EYA1: variants seen among roughly 807,000 people sequenced by gnomAD.
The protein encoded by EYA1 is EYA transcriptional coactivator and phosphatase 1, also known as protein phosphatase EYA1.
In EYA1, 16 loss-of-function variants were observed where a neutral mutation model predicts 82.0. The observed-to-expected ratio is 0.20, with a 90% CI of 0.13 to 0.30. The LOEUF is 0.30. EYA1 is among the 10% of genes least tolerant of loss of function. EYA1 has a pLI of 1.00. For missense variants in EYA1, 633 were observed against 730.7 expected (o/e 0.87, Z 1.54); for synonymous variants, 261 against 264.4 (o/e 0.99, Z 0.12).
At chr8:71,287,118 T>A (rs1361055429) in intron 9 of EYA1, among the ~76,000 whole-genome samples, 2 of 151,956 alleles carry the variant, frequency 1.3e-5, no homozygotes, top group African/African-American at 4.8e-5. Context: ...TTTTTTAGAT[T>A]TTGGCATAAA....
intron 1 of EYA1, chr8:71,547,635 C>A (rs1040185812): frequency 6.6e-6 from 1 of 151,828 alleles, no homozygotes; most frequent in South Asian, 2.1e-4. Flanking sequence ...CCTCCTGCCC[C>A]GGGGTGGGGC....
chr8:71,308,716 T>TAA (rs1821001125), intron 7 of EYA1, among the ~76,000 whole-genome samples: 1 of 144,302 alleles, frequency 6.9e-6, no homozygotes. Context: ...TTTTTTTTTT[T>TAA]AAGAAAAAAA....
At chr8:71,357,101 T>C (rs779048407) in intron 1 of EYA1, among the ~76,000 whole-genome samples, 14 of 152,172 alleles carry the variant, frequency 9.2e-5, no homozygotes, top group Non-Finnish European at 1.2e-4. Context: ...ACTAACTATA[T>C]AAGGCAAAGG....
At chr8:71,380,617 A>G (rs1339807334) in intron 2 of EYA1, among the ~76,000 whole-genome samples, 1 of 152,092 alleles carries the variant, frequency 6.6e-6, no homozygotes, top group African/African-American at 2.4e-5. Context: ...TCCAGCCCCT[A>G]CTGTCTTTCA....
chr8:71,452,250 G>A (rs1027627341), intron 2 of EYA1, among the ~76,000 whole-genome samples: 1 of 152,228 alleles, frequency 6.6e-6, no homozygotes, highest in Non-Finnish European at 1.5e-5. Context: ...TGAGGCTTGA[G>A]TAGGTAAACA....
In EYA1 at chr8:71,296,954, T is replaced by G. The variant is rs142865033; in HGVS notation, c.826+2093A>C. Among the ~76,000 whole-genome samples the G allele has an allele frequency of 7.6e-4, 116 of 152,222 alleles. 2 individuals are homozygous for G. Among genetic ancestry groups the G allele is most frequent in the South Asian group, 6.6e-3 (32 of 4,820 alleles). ...TCCTTGAATTTTTAAAGAAAACCAT[T>G]TCTTTTTCAATGTGGAAACTCAGTG... On this transcript the variant is annotated intron_variant, in intron 9 of 17. Transcript: ENST00000340726.
At chr8:71,520,797 T>C (rs1471921404) in intron 2 of EYA1, among the ~76,000 whole-genome samples, 1 of 152,152 alleles carries the variant, frequency 6.6e-6, no homozygotes, top group African/African-American at 2.4e-5. Context: ...GCTGTGACTT[T>C]TTTTACATTC....
chr8:71,212,995 T>C (rs565931214), intron 16 of EYA1, among the ~76,000 whole-genome samples: 29 of 152,208 alleles, frequency 1.9e-4, no homozygotes, highest in African/African-American at 7.0e-4. Flanking sequence ...GGAGAATCAC[T>C]TGAACCCAGG....
intron 5 of EYA1, 150 bp from the exon 6 acceptor site, chr8:71,322,029 G>C: frequency 8.8e-7 from 1 of 1,138,922 alleles, no homozygotes; most frequent in South Asian, 1.3e-5. Context: ...AAATACTTCA[G>C]TGTCTCCACT....
intron 11 of EYA1, among the ~76,000 whole-genome samples, chr8:71,254,933 G>A (rs530121713): frequency 7.0e-6 from 1 of 143,474 alleles, no homozygotes; most frequent in Admixed American, 7.5e-5. Flanking sequence ...AAAATCAGTT[G>A]TGTTTCTATA....
At chr8:71,470,697 C>A (rs1809122333) in intron 2 of EYA1, among the ~76,000 whole-genome samples, 1 of 151,836 alleles carries the variant, frequency 6.6e-6, no homozygotes, top group Admixed American at 6.6e-5. Context: ...GTAGGAAATA[C>A]AAAGATACTT....
intron 2 of EYA1, among the ~76,000 whole-genome samples, chr8:71,380,678 T>C (rs528469608): frequency 6.6e-6 from 1 of 152,348 alleles, no homozygotes; most frequent in African/African-American, 2.4e-5. Flanking sequence ...TCCCTGTTAG[T>C]GTAGCCAACT....
At chr8:71,382,435 G>A (rs1003269009) in intron 2 of EYA1, among the ~76,000 whole-genome samples, 3 of 151,840 alleles carry the variant, frequency 2.0e-5, no homozygotes, top group Non-Finnish European at 4.4e-5. Context: ...ATGTCTAAAG[G>A]AATACAAAAG....
intron 4 of EYA1, chr8:71,322,519 T>G: frequency 2.0e-6 from 1 of 497,714 alleles, no homozygotes; most frequent in Non-Finnish European, 3.6e-6. Context: ...CATCACAATC[T>G]TCGCAAATAC....
At chr8:71,449,071 C>G (rs969330333) in intron 2 of EYA1, 1 of 166,632 alleles carries the variant, frequency 6.0e-6, no homozygotes, top group African/African-American at 2.4e-5. Context: ...TTTCGACAGC[C>G]ACATGTTATC....
intron 9 of EYA1, among the ~76,000 whole-genome samples, chr8:71,275,840 T>C (rs1586135546): frequency 6.6e-6 from 1 of 152,336 alleles, no homozygotes; most frequent in African/African-American, 2.4e-5. Flanking sequence ...CCAATAATTA[T>C]TGTCTTAGTC....
intron 13 of EYA1, 39 bp downstream of exon 13, chr8:71,216,920 AAACTAT>A (rs1809283775): frequency 6.2e-7 from 1 of 1,611,490 alleles, no homozygotes; most frequent in African/African-American, 1.3e-5. Context: ...GTAAGTAATT[AAACTAT>A]AAAAGGGAGA....
chr8:71,381,099 T>C (rs1156942), intron 2 of EYA1, among the ~76,000 whole-genome samples: 114,884 of 152,162 alleles, frequency 0.76, 44,300 homozygotes, highest in African/African-American at 0.91. Flanking sequence ...TTATCAAAGC[T>C]CGAATCCATA....
chr8:71,413,955 A>T (rs746864772), intron 2 of EYA1, among the ~76,000 whole-genome samples: 4 of 152,202 alleles, frequency 2.6e-5, no homozygotes, highest in African/African-American at 4.8e-5. Flanking sequence ...AGAATCTAAG[A>T]CAATTAGCAC....
Sources: allele counts gnomAD v4.1 joint callset (sites outside exome capture counted in the v4.1 genomes callset), GRCh38; gene constraint gnomAD v4.1.1; transcripts MANE v1.5; gene names NCBI Gene and HGNC (gene_info 2026-07-23, HGNC 2026-07-21).